TAB1: variants seen among roughly 807,000 people sequenced by gnomAD.
The protein encoded by TAB1 is TGF-beta-activated kinase 1 and MAP3K7-binding protein 1.
In TAB1, 30 loss-of-function variants were observed where a neutral mutation model predicts 54.5. The observed-to-expected ratio is 0.55, with a 90% CI of 0.41 to 0.75. TAB1 has a LOEUF of 0.75. Ranked by LOEUF, TAB1 falls within the 30% of genes least tolerant of loss-of-function variation. TAB1 has a pLI of 0.00. For synonymous variants in TAB1, 289 were observed against 286.9 expected, an observed-to-expected ratio of 1.01 and a Z score of -0.07; for missense variants, 609 against 683.2, an observed-to-expected ratio of 0.89 and a Z score of 1.21.
At chr22:39,418,991 C>T in intron 6 of TAB1, 146 bp downstream of exon 6, 1 of 664,674 alleles carries the variant, frequency 1.5e-6, no homozygotes, top group Admixed American at 2.4e-5. Flanking sequence ...CCCAGCACTG[C>T]CGCTTACTGG....
chr22:39,411,118 T>G (rs1005054450), intron 1 of TAB1, among the ~76,000 whole-genome samples: 1 of 151,378 alleles, frequency 6.6e-6, no homozygotes, highest in African/African-American at 2.4e-5. Flanking sequence ...AAAAAAAAAA[T>G]GGACCTAAAC....
rs376298525 is a variant in TAB1 at position 39,405,054 on chromosome 22, TG to T, written c.33+5220del. 1.2e-3 allele frequency among the ~76,000 whole-genome samples: 179 copies of T among 152,322 alleles called. 6 individuals carry two copies. In the South Asian group the frequency reaches 0.037, roughly 32 times the overall value. ...CCTTTTTGCTTCTAAGGAATGTGGG[TG>T]CTTTTACCACAAAAACACTTGGCCT... On this transcript the variant is annotated intron_variant, in intron 1 of 10. Transcript: ENST00000216160.
At position 39,430,298 on chromosome 22, in the gene TAB1, T is replaced by G. The variant is rs1282702863; in HGVS notation, c.*76T>G. 97 of 1,585,336 alleles carry G rather than the reference T, an allele frequency of 6.1e-5. No homozygotes were observed. The highest frequency in any genetic ancestry group is 7.9e-5 in the Non-Finnish European group (92 of 1,169,832). On this transcript the variant is annotated 3_prime_UTR_variant, in exon 11 of 11. Coordinates refer to ENST00000216160, the MANE Select transcript of TAB1 (RefSeq NM_006116.3). Reference sequence around the variant, plus strand: ...GTCCAGCCTTTTCCTAACATCTGCCTGTGCCACAACGGCCAGCAGGTGCCC... The same window carrying G: ...GTCCAGCCTTTTCCTAACATCTGCCGGTGCCACAACGGCCAGCAGGTGCCC...
rs145214942 is a variant in TAB1 at position 39,430,120 on chromosome 22, G to C, written c.1413G>C (p.Pro471=). Residue 471 remains proline, a synonymous_variant, in exon 11 of 11, where the codon CCG becomes CCC. Transcript: ENST00000216160. ...LFRSRPAHSL[P]PGEDGRVEPY... Reference sequence around the variant, plus strand: ...GCTCCCGGCCCGCCCACTCGCTCCCGCCTGGCGAGGACGGTCGTGTTGAGC... The same window carrying C: ...GCTCCCGGCCCGCCCACTCGCTCCCCCCTGGCGAGGACGGTCGTGTTGAGC... 2.5e-6 allele frequency: 4 copies of C among 1,613,990 alleles called. No individual in the cohort carries two copies. Among genetic ancestry groups the C allele is most frequent in the Admixed American group, 1.7e-5 (1 of 60,028 alleles).
At chr22:39,403,108 C>T (rs1251152369) in intron 1 of TAB1, among the ~76,000 whole-genome samples, 1 of 152,246 alleles carries the variant, frequency 6.6e-6, no homozygotes, top group Non-Finnish European at 1.5e-5. Flanking sequence ...GCTGTTCATT[C>T]CCTTAAATGT....
At chr22:39,410,418 CT>C (rs1021788528) in intron 1 of TAB1, among the ~76,000 whole-genome samples, 2 of 151,994 alleles carry the variant, frequency 1.3e-5, no homozygotes, top group Admixed American at 1.3e-4. Context: ...AGCAGTTTTT[CT>C]TTTGGCGTTG....
chr22:39,414,919 A>G, intron 1 of TAB1, 87 bp from the exon 2 acceptor site: 2 of 1,528,848 alleles, frequency 1.3e-6, no homozygotes, highest in Middle Eastern at 2.2e-4. Context: ...CGGGCCTGCT[A>G]GGTTTTTGTT....
chr22:39,435,832 C>T (rs1927761840), downstream of TAB1, among the ~76,000 whole-genome samples: 2 of 152,194 alleles, frequency 1.3e-5, no homozygotes, highest in African/African-American at 4.8e-5. Context: ...GACAGCCTCC[C>T]ATCTTCCAGC....
chr22:39,433,913 C>A (rs1181080625), downstream of TAB1: 2 of 698,368 alleles, frequency 2.9e-6, no homozygotes, highest in Non-Finnish European at 3.4e-6. Flanking sequence ...CCTGTTGTTT[C>A]CTCCATGGGT....
Position 39,426,858 on chromosome 22 carries a change from C to G in TAB1, c.1077C>G (p.Thr359=), listed in dbSNP as rs1420124037. 1 of 1,613,394 alleles carries G rather than the reference C, an allele frequency of 6.2e-7. No homozygotes were observed. Among genetic ancestry groups the G allele is most frequent in the African/African-American group, 1.3e-5 (1 of 74,946 alleles). The change falls in exon 9 of 11, where the codon ACC becomes ACG. Residue 359 remains threonine, a synonymous_variant. Transcript: ENST00000216160. ...ARFCPRHEDM[T]LLVRNFGYPL... ...TCTGCCCCCGGCACGAGGACATGAC[C>G]CTGCTAGTGAGGAACTTTGGCTACC...
chr22:39,427,983 A>G, intron 9 of TAB1, 38 bp from the exon 10 acceptor site: 2 of 1,542,746 alleles, frequency 1.3e-6, no homozygotes, highest in Non-Finnish European at 1.8e-6. Flanking sequence ...GTTTCTCCTC[A>G]GCTGCTGCCT....
Position 39,419,508 on chromosome 22 carries a change from T to C in TAB1, c.665-11T>C. The C allele has an allele frequency of 6.3e-7, 1 of 1,592,720 alleles. No individual in the cohort carries two copies. The highest frequency in any genetic ancestry group is 8.6e-7 in the Non-Finnish European group (1 of 1,164,952). On this transcript the variant is annotated splice_polypyrimidine_tract_variant and intron_variant, in intron 6 of 10. Transcript: ENST00000216160. Reference sequence around the variant, plus strand: ...CAAGAAGCAGGATTGTTGCACTGTTTCCCTCCGTAGGCTTGGATGCTGGAA... The same window carrying C: ...CAAGAAGCAGGATTGTTGCACTGTTCCCCTCCGTAGGCTTGGATGCTGGAA...
rs1232008466 is a variant in TAB1 at position 39,428,136 on chromosome 22, G to A, written c.1260G>A (p.Gly420=). ...CCTCCCAGGGCCAGATGGTCAACGG[G>A]GCTCACAGTGCTTCCACCCTGGACG... ...VMPSQGQMVN[G]AHSASTLDEA... The change falls in exon 10 of 11, where the codon GGG becomes GGA. Residue 420 remains glycine (G), a synonymous_variant. Transcript: ENST00000216160. The A allele has an allele frequency of 6.2e-6, 10 of 1,613,496 alleles. No individual in the cohort carries two copies. The highest frequency in any genetic ancestry group is 8.5e-6 in the Non-Finnish European group (10 of 1,179,566).
intron 7 of TAB1, chr22:39,421,587 C>T (rs1927093235): frequency 1.9e-6 from 1 of 536,754 alleles, no homozygotes. Flanking sequence ...GGGCATTCAA[C>T]CTTTGCCATC....
In TAB1 at chr22:39,415,177, G is replaced by A. The variant is rs750677099; in HGVS notation, c.170+35G>A. The A allele has an allele frequency of 2.0e-6, 3 of 1,538,200 alleles. No individual in the cohort carries two copies. The highest frequency in any genetic ancestry group is 2.6e-6 in the Non-Finnish European group (3 of 1,140,174). The stretch of plus-strand genomic sequence containing the variant: ...CCAGCATTTCTGTGTTGGGCCCGGG[G>A]AGTTGGTTGGTTTGCAAGCAAGGAA... On this transcript the variant is annotated intron_variant, in intron 2 of 10. Transcript: ENST00000216160. This position sits in a 1 kb window ranked among gnomAD's most constrained non-coding sequence, Gnocchi z 4.9.
chr22:39,408,480 A>G (rs1926468301), intron 1 of TAB1, among the ~76,000 whole-genome samples: 3 of 152,128 alleles, frequency 2.0e-5, no homozygotes, highest in Non-Finnish European at 4.4e-5. Context: ...GTGGAAGACA[A>G]TTTCACTGGC....
chr22:39,429,373 AC>A (rs1555883676), intron 10 of TAB1: 5 of 985,254 alleles, frequency 5.1e-6, no homozygotes, highest in Non-Finnish European at 1.2e-6. Flanking sequence ...GTTCAGCTTC[AC>A]CCGAGGAACT....
At chr22:39,412,445 AGT>A (rs1601687718) in intron 1 of TAB1, among the ~76,000 whole-genome samples, 1 of 152,134 alleles carries the variant, frequency 6.6e-6, no homozygotes, top group Admixed American at 6.6e-5. Flanking sequence ...GTATCCTGAG[AGT>A]GGTGGTAGTT....
Position 39,430,738 on chromosome 22 carries a change from G to A in TAB1, c.*516G>A. The A allele has an allele frequency of 2.0e-6, 2 of 1,018,968 alleles. No individual in the cohort carries two copies. Among genetic ancestry groups the A allele is most frequent in the Middle Eastern group, 5.0e-4 (1 of 2,020 alleles). 63.1% of individuals were successfully genotyped at this position (1,018,968 alleles called of 1,614,324 possible). On this transcript the variant is annotated 3_prime_UTR_variant, in exon 11 of 11. Transcript: ENST00000216160. ...AGGCTGGTGTCCGCATCTGTCCCTG[G>A]GCCCCACCCCTGGACCTGCCTTGGT...
Sources: allele counts gnomAD v4.1 joint callset (sites outside exome capture counted in the v4.1 genomes callset), GRCh38; gene constraint gnomAD v4.1.1; non-coding constraint Gnocchi (gnomAD v3.1); transcripts MANE v1.5; gene names NCBI Gene and HGNC (gene_info 2026-07-23, HGNC 2026-07-21).